Variants in NFXL1 observed in about 807,000 individuals in gnomAD.
NFXL1 encodes nuclear transcription factor, X-box binding like 1.
NFXL1 carries 66 observed loss-of-function variants against 123.3 expected under a neutral mutation model. That is an observed-to-expected ratio of 0.54 (90% CI 0.44 to 0.66). The LOEUF is 0.66. Among genes scored for constraint, NFXL1 ranks in the 30% least tolerant of loss-of-function variants. NFXL1 has a pLI of 0.00. For synonymous variants in NFXL1, 346 were observed against 360.8 expected, an observed-to-expected ratio of 0.96 and a Z score of 0.46; for missense variants, 944 against 1,125.6, an observed-to-expected ratio of 0.84 and a Z score of 2.31.
intron 16 of NFXL1, 44 bp downstream of exon 16, chr4:47,879,052 G>A (rs372923107): frequency 2.6e-6 from 3 of 1,150,956 alleles, no homozygotes; most frequent in African/African-American, 1.6e-5. Context: ...GTATGTAACA[G>A]TATAGATTAT....
Position 47,871,385 on chromosome 4 carries a change from A to G in NFXL1, c.2246+3742T>C, listed in dbSNP as rs186403355. 1.2e-3 allele frequency among the ~76,000 whole-genome samples: 189 copies of G among 151,954 alleles called. 1 individual carries two copies. The highest frequency in any genetic ancestry group is 4.3e-3 in the Admixed American group (65 of 15,272). On this transcript the variant is annotated intron_variant, in intron 18 of 22. Transcript: ENST00000507489. The stretch of plus-strand genomic sequence containing the variant: ...AAAAACAAAAACAAAACAAAAAAAC[A>G]CTTGGTTATTTCCATGGGTTTCTAT...
At chr4:47,893,784 C>A (rs1415114428) in intron 11 of NFXL1, among the ~76,000 whole-genome samples, 3 of 151,430 alleles carry the variant, frequency 2.0e-5, no homozygotes, top group African/African-American at 4.8e-5. Flanking sequence ...TGATAAATAT[C>A]AAAAATTACT....
At chr4:47,875,077 C>A (rs1654700493) in intron 18 of NFXL1, 50 bp downstream of exon 18, 3 of 1,247,080 alleles carry the variant, frequency 2.4e-6, no homozygotes. Context: ...TAAAAAGATA[C>A]CAATTCAACT....
chr4:47,851,805 T>G, intron 21 of NFXL1, 51 bp downstream of exon 21: 2 of 1,182,220 alleles, frequency 1.7e-6, no homozygotes, highest in East Asian at 2.3e-5. Flanking sequence ...ATGCACAAAA[T>G]AAGAAGGGAA....
chr4:47,904,463 C>T (rs1431081204), intron 4 of NFXL1, among the ~76,000 whole-genome samples: 1 of 152,160 alleles, frequency 6.6e-6, no homozygotes, highest in African/African-American at 2.4e-5. Flanking sequence ...CTATGCATTC[C>T]CTGCAGCTGA....
chr4:47,848,047 A>G lies in NFXL1; in HGVS notation c.*116T>C. 1.6e-6 allele frequency: 1 copy of G among 629,888 alleles called. No homozygotes were observed. Among genetic ancestry groups the G allele is most frequent in the East Asian group, 2.8e-5 (1 of 35,154 alleles). The allele number at this position is 629,888 out of a possible 1,614,324, so 39.0% of individuals were successfully genotyped here. On this transcript the variant is annotated 3_prime_UTR_variant, in exon 23 of 23. Coordinates refer to ENST00000507489, the MANE Select transcript of NFXL1 (RefSeq NM_001278624.2). ...CTGTCCTTCTAACAACAGCTGAGAG[A>G]ATACAGAGATGAATGTAAATATATA...
At chr4:47,881,339 T>C (rs1736105448) in intron 15 of NFXL1, among the ~76,000 whole-genome samples, 1 of 152,068 alleles carries the variant, frequency 6.6e-6, no homozygotes, top group African/African-American at 2.4e-5. Flanking sequence ...ATGTATCAAT[T>C]AAAAATAGAA....
chr4:47,875,224 A>G lies in NFXL1; in HGVS notation c.2149T>C (p.Cys717Arg). 2 of 1,613,428 alleles carry G rather than the reference A, an allele frequency of 1.2e-6. No homozygotes were observed. Among genetic ancestry groups the G allele is most frequent in the Non-Finnish European group, 1.7e-6 (2 of 1,179,434 alleles). Residue 717 changes from cysteine (C) to arginine (R), a missense_variant, in exon 18 of 23, where the codon TGT (cysteine) becomes CGT (arginine). Physicochemically the swap from Cys to Arg is radical, Grantham distance 180 (BLOSUM62 -3). Coordinates refer to ENST00000507489, the MANE Select transcript of NFXL1 (RefSeq NM_001278624.2). ...KSRPLGCLHPCILRCHPGECP... is the reference protein window; with the variant it reads ...KSRPLGCLHPRILRCHPGECP... ...TCTCCAGGGTGACATCGCAAAATAC[A>G]TGGGTGAAGACAACCTAGTGGCCGT...
chr4:47,865,571 A>G (rs12641871), intron 18 of NFXL1, among the ~76,000 whole-genome samples: 51,639 of 151,700 alleles, frequency 0.34, 9,205 homozygotes, highest in East Asian at 0.59. Flanking sequence ...GAGTTCTGAA[A>G]AAAACTAAAT....
At chr4:47,893,873 AAAATACAC>A (rs994551140) in intron 11 of NFXL1, among the ~76,000 whole-genome samples, 3 of 152,016 alleles carry the variant, frequency 2.0e-5, no homozygotes, top group Non-Finnish European at 4.4e-5. Flanking sequence ...TGGGGTTTAT[AAAATACAC>A]AAATATAAAA....
chr4:47,863,849 A>G (rs1734902838), intron 18 of NFXL1, among the ~76,000 whole-genome samples: 1 of 152,170 alleles, frequency 6.6e-6, no homozygotes, highest in African/African-American at 2.4e-5. Flanking sequence ...ACTAGTGACA[A>G]TCTAAAACTC....
intron 2 of NFXL1, among the ~76,000 whole-genome samples, chr4:47,912,833 A>G (rs1737905137): frequency 6.7e-6 from 1 of 149,522 alleles, no homozygotes; most frequent in Non-Finnish European, 1.5e-5. Flanking sequence ...CTCTACTAAA[A>G]AAAAAAAACC....
At chr4:47,898,188 C>T (rs1192433647) in intron 8 of NFXL1, 107 bp from the exon 9 acceptor site, 13 of 633,782 alleles carry the variant, frequency 2.1e-5, no homozygotes, top group South Asian at 4.4e-5. Flanking sequence ...AACTGCTTTA[C>T]GTCCCTCATA....
chr4:47,901,297 T>C (rs1209838504), intron 5 of NFXL1, among the ~76,000 whole-genome samples: 1 of 152,190 alleles, frequency 6.6e-6, no homozygotes, highest in South Asian at 2.1e-4. Flanking sequence ...AGAATGGTCA[T>C]TTATTTTCTT....
In NFXL1 at chr4:47,855,049, A is replaced by C. The variant is rs760143931; in HGVS notation, c.2421+10T>G. On this transcript the variant is annotated intron_variant, in intron 20 of 22. Transcript: ENST00000507489. ...ATAGAAAAGTATTTTCAATAACTTA[A>C]AATATTTACCTTTTTTATTCTTTTA... The C allele has an allele frequency of 1.6e-6, 2 of 1,227,898 alleles. No individual in the cohort carries two copies. The highest frequency in any genetic ancestry group is 2.9e-5 in the South Asian group (2 of 69,488). 76.1% of individuals were successfully genotyped at this position (1,227,898 alleles called of 1,614,324 possible). A position where few individuals can be genotyped will look rare whatever the true frequency, so the allele number is the denominator to read the frequency against.
At chr4:47,869,677 T>C (rs1362250510) in intron 18 of NFXL1, among the ~76,000 whole-genome samples, 1 of 152,124 alleles carries the variant, frequency 6.6e-6, no homozygotes, top group Non-Finnish European at 1.5e-5. Context: ...AATTAAATTC[T>C]CAATTCTTCT....
chr4:47,856,756 T>C (rs1734438580), intron 19 of NFXL1, among the ~76,000 whole-genome samples: 1 of 152,234 alleles, frequency 6.6e-6, no homozygotes, highest in African/African-American at 2.4e-5. Flanking sequence ...CTGCTATTAA[T>C]AGAGTAAGTC....
intron 4 of NFXL1, among the ~76,000 whole-genome samples, chr4:47,904,118 C>G (rs1311940959): frequency 6.6e-6 from 1 of 152,110 alleles, no homozygotes; most frequent in Non-Finnish European, 1.5e-5. Flanking sequence ...AGTAAGGGGA[C>G]TAGACAGGGA....
chr4:47,913,723 A>T (rs1578047993), intron 2 of NFXL1, among the ~76,000 whole-genome samples: 1 of 151,816 alleles, frequency 6.6e-6, no homozygotes, highest in African/African-American at 2.4e-5. Flanking sequence ...AGATTCAAGT[A>T]GGCAAGAGTG....
Sources: gnomAD v4.1 joint callset for allele counts (sites outside exome capture counted in the v4.1 genomes callset) on GRCh38, gnomAD v4.1.1 for gene constraint, MANE v1.5 for transcripts, NCBI Gene and HGNC (gene_info 2026-07-23, HGNC 2026-07-21) for gene names.